DSCAM: variants seen among roughly 807,000 people sequenced by gnomAD.
DSCAM encodes the protein DS cell adhesion molecule.
A neutral mutation model predicts 217.7 loss-of-function variants in DSCAM; 47 were observed. That is an observed-to-expected ratio of 0.22 (90% CI 0.17 to 0.28). The LOEUF (loss-of-function observed/expected upper bound fraction) is 0.28. DSCAM is among the 10% of genes least tolerant of loss of function. The probability of loss-of-function intolerance (pLI) is 1.00; values close to 1 mark genes in which losing one functional copy is unlikely to be tolerated. For synonymous variants in DSCAM, 1,056 were observed against 1,015.3 expected, an observed-to-expected ratio of 1.04 and a Z score of -0.76; for missense variants, 2,080 against 2,618.3, an observed-to-expected ratio of 0.79 and a Z score of 4.49.
At chr21:40,774,695 T>G (rs1013703269) in intron 1 of DSCAM, among the ~76,000 whole-genome samples, 2 of 152,088 alleles carry the variant, frequency 1.3e-5, no homozygotes, top group Admixed American at 6.5e-5. Flanking sequence ...CATAAATAAG[T>G]CATGTTCATA....
chr21:40,458,568 A>C (rs998996471), intron 3 of DSCAM, among the ~76,000 whole-genome samples: 1 of 152,188 alleles, frequency 6.6e-6, no homozygotes, highest in Admixed American at 6.5e-5. Flanking sequence ...ACAAGTTAAT[A>C]AAAACGTAAA....
chr21:40,523,897 A>T lies in DSCAM; in HGVS notation c.509-154652T>A, dbSNP rs376183852. Among the ~76,000 whole-genome samples the T allele has an allele frequency of 1.1e-4, 16 of 152,074 alleles. 1 individual carries two copies. Among genetic ancestry groups the T allele is most frequent in the Admixed American group, 5.9e-4 (9 of 15,266 alleles). Reference sequence around the variant, plus strand: ...GAGTCACCACAGCCTGCCTGTCTGTATGCCCTCTCCTGAAAGTTTGAGCAG... The same window carrying T: ...GAGTCACCACAGCCTGCCTGTCTGTTTGCCCTCTCCTGAAAGTTTGAGCAG... On this transcript the variant is annotated intron_variant, in intron 3 of 32. Transcript: ENST00000400454.
At chr21:40,117,520 A>G (rs190448801) in intron 20 of DSCAM, among the ~76,000 whole-genome samples, 1 of 152,356 alleles carries the variant, frequency 6.6e-6, no homozygotes, top group Non-Finnish European at 1.5e-5. Context: ...CTGAGTGAAG[A>G]TAACAATCAT....
intron 3 of DSCAM, among the ~76,000 whole-genome samples, chr21:40,482,866 T>A (rs4143337): frequency 0.7 from 106,336 of 152,144 alleles, 38,095 homozygotes; most frequent in African/African-American, 0.87. Flanking sequence ...CTTGCTTCTA[T>A]CAGATGTGTG....
Position 40,120,716 on chromosome 21 carries a change from A to C in DSCAM, c.3696+3479T>G, listed in dbSNP as rs1436841389. 2.6e-5 allele frequency among the ~76,000 whole-genome samples: 4 copies of C among 152,186 alleles called. No individual in the cohort carries two copies. In the East Asian group the frequency reaches 7.7e-4, roughly 29 times the overall value. ...CTGTTGGACCCCCGAGGGAAAGTTC[A>C]TGTTCAGTCCACATCATCTTTAGAC... On this transcript the variant is annotated intron_variant, in intron 20 of 32. Coordinates refer to ENST00000400454, the MANE Select transcript of DSCAM (RefSeq NM_001389.5).
chr21:40,726,418 TAAGAA>T (rs1222983622), intron 1 of DSCAM, among the ~76,000 whole-genome samples: 2 of 151,914 alleles, frequency 1.3e-5, no homozygotes, highest in African/African-American at 4.8e-5. Flanking sequence ...TAGAAAAAGA[TAAGAA>T]AAGAGGGCAT....
intron 5 of DSCAM, among the ~76,000 whole-genome samples, chr21:40,350,399 G>T (rs1000507286): frequency 6.6e-6 from 1 of 151,924 alleles, no homozygotes; most frequent in Non-Finnish European, 1.5e-5. Context: ...TCTGACTAAG[G>T]TCTAATATCC....
In DSCAM at chr21:40,438,047, C is replaced by T. The variant is rs1370502527; in HGVS notation, c.509-68802G>A. Among the ~76,000 whole-genome samples the T allele has an allele frequency of 2.6e-5, 4 of 152,164 alleles. No homozygotes were observed. In the East Asian group the frequency reaches 7.7e-4, roughly 29 times the overall value. On this transcript the variant is annotated intron_variant, in intron 3 of 32. Transcript: ENST00000400454. ...GCCACCAGGTGTATGCTGACACCAA[C>T]ACCTGATTAAAATGAAGTTTCTGGC...
chr21:40,631,742 A>T (rs957879629), intron 3 of DSCAM, among the ~76,000 whole-genome samples: 3 of 152,190 alleles, frequency 2.0e-5, no homozygotes, highest in South Asian at 2.1e-4. Context: ...CATCCATTTT[A>T]TCTCTGTCCC....
chr21:40,307,599 C>T lies in DSCAM; in HGVS notation c.2062+4482G>A, dbSNP rs868031135. 8.3e-3 allele frequency among the ~76,000 whole-genome samples: 1,267 copies of T among 152,164 alleles called. 16 individuals carry two copies. Among genetic ancestry groups the T allele is most frequent in the African/African-American group, 0.025 (1,039 of 41,492 alleles). ...CATTACTGGGTATATACCCAAAGGA[C>T]TATAAATCATGCTGCTATAAAGACA... On this transcript the variant is annotated intron_variant, in intron 9 of 32. Coordinates refer to ENST00000400454, the MANE Select transcript of DSCAM (RefSeq NM_001389.5).
In DSCAM at chr21:40,328,153, C is replaced by T. The variant is rs532487826; in HGVS notation, c.1783+9948G>A. Among the ~76,000 whole-genome samples, 10 of 151,992 alleles carry T rather than the reference C, an allele frequency of 6.6e-5. 1 individual carries two copies. In the South Asian group the frequency reaches 1.9e-3, roughly 28 times the overall value. ...AAATAGAAAAAAAAATCCTAAAATT[C>T]CAATATAACCAAAAAAGAGCCAGAA... On this transcript the variant is annotated intron_variant, in intron 8 of 32. Transcript: ENST00000400454.
chr21:40,556,864 A>G (rs2076676515), intron 3 of DSCAM, among the ~76,000 whole-genome samples: 1 of 152,184 alleles, frequency 6.6e-6, no homozygotes, highest in African/African-American at 2.4e-5. Flanking sequence ...TCCATATCAT[A>G]GCACTATTCA....
At chr21:40,040,131 A>G (rs1156632693) in intron 32 of DSCAM, among the ~76,000 whole-genome samples, 2 of 152,244 alleles carry the variant, frequency 1.3e-5, no homozygotes, top group African/African-American at 4.8e-5. Flanking sequence ...TCTAAAGCAT[A>G]TCAGATGTTC....
intron 15 of DSCAM, among the ~76,000 whole-genome samples, chr21:40,173,714 A>G (rs2146788884): frequency 6.6e-6 from 1 of 152,162 alleles, no homozygotes; most frequent in East Asian, 1.9e-4. Context: ...AGCTCAGCAC[A>G]TAGGAAACTC....
chr21:40,559,840 T>TGC (rs2076704817), intron 3 of DSCAM, among the ~76,000 whole-genome samples: 1 of 144,946 alleles, frequency 6.9e-6, no homozygotes. Context: ...TCTCCCAGGC[T>TGC]GGAGTGCAGT....
At chr21:40,343,237 G>A (rs2074519009) in intron 6 of DSCAM, among the ~76,000 whole-genome samples, 1 of 152,134 alleles carries the variant, frequency 6.6e-6, no homozygotes, top group Non-Finnish European at 1.5e-5. Context: ...AACAATGCCT[G>A]TAATTAAGAC....
chr21:40,839,187 A>T (rs2092080494), intron 1 of DSCAM, among the ~76,000 whole-genome samples: 1 of 152,192 alleles, frequency 6.6e-6, no homozygotes, highest in African/African-American at 2.4e-5. Context: ...TCAATCACAA[A>T]GCCTGGGGTG....
intron 11 of DSCAM, among the ~76,000 whole-genome samples, chr21:40,265,643 A>G (rs2073516239): frequency 6.6e-6 from 1 of 152,232 alleles, no homozygotes; most frequent in African/African-American, 2.4e-5. Flanking sequence ...ATAAAAGTAG[A>G]TGCATAGACA....
At chr21:40,592,304 G>C (rs1368980282) in intron 3 of DSCAM, among the ~76,000 whole-genome samples, 1 of 152,154 alleles carries the variant, frequency 6.6e-6, no homozygotes, top group African/African-American at 2.4e-5. Flanking sequence ...TGAAATATCT[G>C]ATAAACTATA....
Sources: allele counts gnomAD v4.1 joint callset (sites outside exome capture counted in the v4.1 genomes callset), GRCh38; gene constraint gnomAD v4.1.1; transcripts MANE v1.5; gene names NCBI Gene and HGNC (gene_info 2026-07-23, HGNC 2026-07-21).